The following PCSK5 variants were observed in gnomAD, a reference collection of about 807,000 sequenced individuals.
The protein encoded by PCSK5 is prohormone convertase 5.
A neutral mutation model predicts 233.2 loss-of-function variants in PCSK5; 129 were observed. The ratio of observed to expected loss-of-function variants is 0.55; its 90% CI spans 0.48 to 0.64. The LOEUF is 0.64. Among genes scored for constraint, PCSK5 ranks in the 30% least tolerant of loss-of-function variants. The probability of loss-of-function intolerance (pLI) is 0.00; values close to 1 mark genes in which losing one functional copy is unlikely to be tolerated. For missense variants in PCSK5, 2,076 were observed against 2,430.1 expected (o/e 0.85, Z 3.06); for synonymous variants, 825 against 879.2 (o/e 0.94, Z 1.09).
rs949880711 is a variant in PCSK5, at chr9:75,941,777, G to T, written c.297+9294G>T. Among the ~76,000 whole-genome samples, 3 of 152,104 alleles carry T rather than the reference G, an allele frequency of 2.0e-5. No homozygotes were observed. The East Asian group carries it at 5.8e-4, about 29-fold the overall frequency. On this transcript the variant is annotated intron_variant, in intron 2 of 37. Coordinates refer to ENST00000674117, the MANE Select transcript of PCSK5 (RefSeq NM_001372043.1). ...AGGAGTGTGGAAGAGACCTGAAGAG[G>T]CATGTGGGTGCCGGGTCCACTGTGT...
rs558399169 is a variant in PCSK5 at position 76,007,237 on chromosome 9, A to G, written c.412-16501A>G. On this transcript the variant is annotated intron_variant, in intron 3 of 37. Transcript: ENST00000674117. ...AAATATTTCTTTGAGCTGTATTTCC[A>G]TATCTTCAGATTCTATTTCAGTGTG... Among the ~76,000 whole-genome samples the G allele has an allele frequency of 1.3e-4, 20 of 152,238 alleles. No homozygotes were observed. The East Asian group carries it at 3.7e-3, about 28-fold the overall frequency.
In PCSK5 at chr9:76,188,894, T is replaced by C. The variant is rs544965203; in HGVS notation, c.2381-200T>C. Among the ~76,000 whole-genome samples, 3 of 152,364 alleles carry C rather than the reference T, an allele frequency of 2.0e-5. No individual in the cohort carries two copies. In the East Asian group the frequency reaches 5.8e-4, roughly 29 times the overall value. Reference sequence around the variant, plus strand: ...TTACATAGCCCAGTGATAGCTCCTCTTTCAAAAGACAGTGAATGTTTTTGT... The same window carrying C: ...TTACATAGCCCAGTGATAGCTCCTCCTTCAAAAGACAGTGAATGTTTTTGT... On this transcript the variant is annotated intron_variant, in intron 18 of 37. Transcript: ENST00000674117.
At chr9:76,339,295 T>C (rs1051717896) in intron 35 of PCSK5, among the ~76,000 whole-genome samples, 1 of 152,204 alleles carries the variant, frequency 6.6e-6, no homozygotes, top group Admixed American at 6.5e-5. Flanking sequence ...GTAGGATACA[T>C]ACCTGTTCTT....
intron 3 of PCSK5, among the ~76,000 whole-genome samples, chr9:76,014,111 G>T (rs1827847675): frequency 6.6e-6 from 1 of 152,056 alleles, no homozygotes; most frequent in Non-Finnish European, 1.5e-5. Context: ...GCAGATTTAT[G>T]CTCAGAGGGG....
chr9:76,238,590 C>T (rs1826324427), intron 22 of PCSK5, among the ~76,000 whole-genome samples: 1 of 152,174 alleles, frequency 6.6e-6, no homozygotes, highest in African/African-American at 2.4e-5. Context: ...TCTATAGCCC[C>T]CAAGTCTGAG....
intron 30 of PCSK5, among the ~76,000 whole-genome samples, chr9:76,315,774 A>G (rs1226102275): frequency 1.3e-5 from 2 of 151,024 alleles, no homozygotes; most frequent in Non-Finnish European, 1.5e-5. Flanking sequence ...CTGGGATTAC[A>G]GGCGCCCACC....
intron 1 of PCSK5, among the ~76,000 whole-genome samples, chr9:75,915,712 T>A (rs900176092): frequency 6.6e-5 from 10 of 152,236 alleles, no homozygotes; most frequent in Non-Finnish European, 1.5e-4. Flanking sequence ...GCTTAATATA[T>A]ATTAAATGCA....
intron 20 of PCSK5, among the ~76,000 whole-genome samples, chr9:76,215,944 A>T (rs1199538640): frequency 8.3e-6 from 1 of 120,192 alleles, no homozygotes; most frequent in Non-Finnish European, 1.8e-5. Context: ...GTCTAAAAAA[A>T]TTAAAAATTA....
intron 2 of PCSK5, among the ~76,000 whole-genome samples, chr9:75,937,810 C>T (rs1157149103): frequency 6.6e-6 from 1 of 152,218 alleles, no homozygotes; most frequent in Admixed American, 6.5e-5. Flanking sequence ...GTTACAGAGA[C>T]AGCTTCTTTC....
rs752603107 is a variant in PCSK5, at chr9:76,206,745, A to C, written c.2626+16999A>C. Among the ~76,000 whole-genome samples, 3 of 152,358 alleles carry C rather than the reference A, an allele frequency of 2.0e-5. No homozygotes were observed. The South Asian group carries it at 6.2e-4, about 32-fold the overall frequency. On this transcript the variant is annotated intron_variant, in intron 20 of 37. Transcript: ENST00000674117. ...CCAAAACCACACAGCTAATAATGGC[A>C]GAGCTCCAGAGTTAGGACAATGCAC...
At chr9:76,299,165 C>T (rs913247581) in intron 27 of PCSK5, among the ~76,000 whole-genome samples, 1 of 152,166 alleles carries the variant, frequency 6.6e-6, no homozygotes, top group Non-Finnish European at 1.5e-5. Flanking sequence ...TACCTCCTAC[C>T]TAGTCTAAGG....
rs1829200975 is a variant in PCSK5 at position 76,321,470 on chromosome 9, C to T, written c.3933C>T (p.Cys1311=). The T allele has an allele frequency of 6.2e-7, 1 of 1,611,314 alleles. No individual in the cohort carries two copies. Among genetic ancestry groups the T allele is most frequent in the African/African-American group, 1.3e-5 (1 of 74,896 alleles). Residue 1311 remains cysteine, a synonymous_variant, in exon 31 of 38, where the codon TGC becomes TGT. Transcript: ENST00000674117. ...DGICERCSSP[C]RTCEGNATNC... is the part of the protein sequence containing the mutation. Reference sequence around the variant, plus strand: ...TATGTGAACGCTGTAGCTCTCCTTGCAGAACATGTGAAGGAAACGCCACCA... The same window carrying T: ...TATGTGAACGCTGTAGCTCTCCTTGTAGAACATGTGAAGGAAACGCCACCA...
intron 27 of PCSK5, among the ~76,000 whole-genome samples, chr9:76,300,898 C>T (rs1828579277): frequency 2.0e-5 from 3 of 152,182 alleles, no homozygotes; most frequent in Admixed American, 2.0e-4. Flanking sequence ...CGTCTACTCC[C>T]TAACTATTTG....
intron 24 of PCSK5, among the ~76,000 whole-genome samples, chr9:76,280,597 C>G (rs1304209701): frequency 6.6e-6 from 1 of 151,892 alleles, no homozygotes; most frequent in Non-Finnish European, 1.5e-5. Context: ...CAACAATTAG[C>G]CAGATGTGGT....
At chr9:76,086,279 T>C (rs1224704934) in intron 7 of PCSK5, among the ~76,000 whole-genome samples, 2 of 152,204 alleles carry the variant, frequency 1.3e-5, no homozygotes, top group Non-Finnish European at 2.9e-5. Context: ...ATTGTGGTTA[T>C]TTCAGAGAGC....
intron 9 of PCSK5, among the ~76,000 whole-genome samples, chr9:76,114,753 G>T (rs188880060): frequency 3.1e-4 from 47 of 152,210 alleles, no homozygotes; most frequent in African/African-American, 1.1e-3. Context: ...TAATAATAAA[G>T]ATTGCTTTTT....
chr9:75,946,194 C>T (rs1034108798), intron 2 of PCSK5, among the ~76,000 whole-genome samples: 2 of 152,112 alleles, frequency 1.3e-5, no homozygotes, highest in African/African-American at 4.8e-5. Flanking sequence ...TAATTTTTTT[C>T]TTTATTCTTC....
intron 18 of PCSK5, 107 bp from the exon 19 acceptor site, chr9:76,188,987 A>C: frequency 1.0e-6 from 1 of 965,244 alleles, no homozygotes; most frequent in Non-Finnish European, 1.5e-6. Context: ...TGAATATTAA[A>C]TTATTATTCT....
rs1439534695 is a variant in PCSK5, at chr9:75,932,432, G to C, written c.246G>C (p.Arg82Ser). Residue 82 changes from arginine (R) to serine (S), a missense_variant, in exon 2 of 38, where the codon AGG (arginine) becomes AGC (serine). This residue lies in a region of PCSK5 where 190 missense variants were observed against 216.3 expected (regional missense o/e 0.88). Coordinates refer to ENST00000674117, the MANE Select transcript of PCSK5 (RefSeq NM_001372043.1). ...TCTACCATAGCAGGACGATTAAAAG[G>C]TCAGTTATCTCGAGCAGAGGGACCC... ...YHFYHSRTIKRSVISSRGTHS... is the reference protein window; with the variant it reads ...YHFYHSRTIKSSVISSRGTHS... 1 of 1,613,676 alleles carries C rather than the reference G, an allele frequency of 6.2e-7. No individual in the cohort carries two copies. Among genetic ancestry groups the C allele is most frequent in the East Asian group, 2.2e-5 (1 of 44,884 alleles).
Sources: gnomAD v4.1 joint callset for allele counts (sites outside exome capture counted in the v4.1 genomes callset) on GRCh38, gnomAD v4.1.1 for gene constraint, gnomAD v4.1.1 regional missense constraint, MANE v1.5 for transcripts, NCBI Gene and HGNC (gene_info 2026-07-23, HGNC 2026-07-21) for gene names.